The following PRKAA2 variants were observed in gnomAD, a reference collection of about 807,000 sequenced individuals.
The protein encoded by PRKAA2 is protein kinase AMP-activated catalytic subunit alpha 2.
Under a neutral mutation model 56.3 loss-of-function variants are expected in PRKAA2, and 40 were observed. The ratio of observed to expected loss-of-function variants is 0.71; its 90% CI spans 0.55 to 0.92. The LOEUF is 0.92. Ranked by LOEUF, PRKAA2 falls within the 40% of genes least tolerant of loss-of-function variation. PRKAA2 has a pLI of 0.00. For missense variants in PRKAA2, 542 were observed against 686.9 expected (o/e 0.79, Z 2.36); for synonymous variants, 214 against 234.2 (o/e 0.91, Z 0.79).
In PRKAA2 at chr1:56,713,848, T is replaced by TAAAAA. The variant is rs35829792; in HGVS notation, c.*6152_*6156dup. The TAAAAA allele has an allele frequency of 8.1e-5, 9 of 110,536 alleles. No homozygotes were observed. Among genetic ancestry groups the TAAAAA allele is most frequent in the Admixed American group, 5.7e-4 (6 of 10,508 alleles). The allele number at this position is 110,536 out of a possible 1,614,324, so 6.8% of individuals were successfully genotyped here. On this transcript the variant is annotated 3_prime_UTR_variant, in exon 9 of 9. Transcript: ENST00000371244. Reference sequence around the variant, plus strand: ...AAAGTGGAAGAGAGATCCACTGTTCTAAAAAAAAAAAAAAAAAAAAACACT... The same window carrying TAAAAA: ...AAAGTGGAAGAGAGATCCACTGTTCTAAAAAAAAAAAAAAAAAAAAAAAAAACACT...
chr1:56,706,338 T>G, intron 8 of PRKAA2, 120 bp downstream of exon 8: 1 of 1,105,858 alleles, frequency 9.0e-7, no homozygotes, highest in Non-Finnish European at 1.3e-6. Flanking sequence ...TTAAGCAATC[T>G]AGACTTAACC....
intron 1 of PRKAA2, among the ~76,000 whole-genome samples, chr1:56,660,837 T>C (rs1370933719): frequency 6.6e-6 from 1 of 152,184 alleles, no homozygotes; most frequent in Non-Finnish European, 1.5e-5. Flanking sequence ...TTAATAAATA[T>C]GGTACTTATT....
In PRKAA2 at chr1:56,696,157, A is replaced by G. The variant is rs771303312; in HGVS notation, c.786A>G (p.Ile262Met). Residue 262 changes from isoleucine to methionine, a missense_variant and splice_region_variant, in exon 6 of 9, where the codon ATA becomes ATG. Physicochemically the swap from Ile to Met is conservative, Grantham distance 10. Transcript: ENST00000371244. ...DPLKRATIKD[I>M]REHEWFKQDL... ...TGAAACGAGCAACTATCAAAGACAT[A>G]AGGTGATTTTTCTTTTTGTTTCTGT... 1.2e-6 allele frequency: 2 copies of G among 1,606,758 alleles called. No individual in the cohort carries two copies. Among genetic ancestry groups the G allele is most frequent in the Non-Finnish European group, 1.7e-6 (2 of 1,174,938 alleles).
rs543189570 is a variant in PRKAA2 at position 56,680,605 on chromosome 1, G to A, written c.236+6083G>A. On this transcript the variant is annotated intron_variant, in intron 2 of 8. Transcript: ENST00000371244. Reference sequence around the variant, plus strand: ...TTCCCACCTATGAGTGAGAACATGCGGTGTTTGGTTTTCTGTCCTTGTGAT... The same window carrying A: ...TTCCCACCTATGAGTGAGAACATGCAGTGTTTGGTTTTCTGTCCTTGTGAT... Among the ~76,000 whole-genome samples, 598 of 152,112 alleles carry A rather than the reference G, an allele frequency of 3.9e-3. 5 individuals are homozygous for A. Among genetic ancestry groups the A allele is most frequent in the African/African-American group, 0.013 (548 of 41,468 alleles).
chr1:56,706,068 A>G, intron 7 of PRKAA2, 24 bp from the exon 8 acceptor site: 1 of 1,574,934 alleles, frequency 6.3e-7, no homozygotes, highest in Non-Finnish European at 8.7e-7. Flanking sequence ...GTAGTTTATT[A>G]TTTTTATTGA....
chr1:56,649,428 T>C (rs1468249500), intron 1 of PRKAA2, among the ~76,000 whole-genome samples: 1 of 152,194 alleles, frequency 6.6e-6, no homozygotes, highest in Non-Finnish European at 1.5e-5. Flanking sequence ...ATGCCTGTAA[T>C]CCTAGCACTT....
intron 1 of PRKAA2, among the ~76,000 whole-genome samples, chr1:56,662,944 T>G (rs1644006504): frequency 6.6e-6 from 1 of 152,132 alleles, no homozygotes; most frequent in Non-Finnish European, 1.5e-5. Context: ...GTTTTTCTGC[T>G]AAGGTTTTGG....
intron 4 of PRKAA2, among the ~76,000 whole-genome samples, chr1:56,693,187 T>C (rs1454893380): frequency 2.0e-5 from 3 of 152,166 alleles, no homozygotes; most frequent in Non-Finnish European, 4.4e-5. Flanking sequence ...TCTAAAAACC[T>C]AGAAACTACT....
intron 2 of PRKAA2, among the ~76,000 whole-genome samples, chr1:56,681,309 C>T (rs892786471): frequency 9.9e-4 from 150 of 152,268 alleles, no homozygotes; most frequent in Non-Finnish European, 1.9e-3. Context: ...TGTAGGTTGC[C>T]TATTCACTCT....
At chr1:56,665,326 G>T (rs1350376745) in intron 1 of PRKAA2, among the ~76,000 whole-genome samples, 1 of 152,012 alleles carries the variant, frequency 6.6e-6, no homozygotes, top group Non-Finnish European at 1.5e-5. Flanking sequence ...TGCCCACCTT[G>T]GCCTCCCAAA....
At chr1:56,650,057 T>C (rs187692087) in intron 1 of PRKAA2, among the ~76,000 whole-genome samples, 217 of 151,954 alleles carry the variant, frequency 1.4e-3, no homozygotes, top group Admixed American at 2.7e-3. Flanking sequence ...ATTGTGCCAC[T>C]GCACTCCAGC....
intron 7 of PRKAA2, 63 bp downstream of exon 7, chr1:56,704,538 C>T (rs1443327887): frequency 6.6e-7 from 1 of 1,508,370 alleles, no homozygotes; most frequent in Non-Finnish European, 8.8e-7. Context: ...ATAAGCTGCT[C>T]TGAGCTCCTG....
intron 1 of PRKAA2, among the ~76,000 whole-genome samples, chr1:56,664,462 G>A (rs539746015): frequency 9.3e-4 from 133 of 142,500 alleles, no homozygotes; most frequent in African/African-American, 3.3e-3. Context: ...TTTCTTTTTA[G>A]TTCAGATGTT....
In PRKAA2 at chr1:56,712,859, CAAAA is replaced by C. The variant is rs911830525; in HGVS notation, c.*5150_*5153del. The C allele has an allele frequency of 6.6e-6, 1 of 151,000 alleles. No homozygotes were observed. The highest frequency in any genetic ancestry group is 2.4e-5 in the African/African-American group (1 of 41,088). 9.4% of individuals were successfully genotyped at this position (151,000 alleles called of 1,614,324 possible). A position where few individuals can be genotyped will look rare whatever the true frequency, so the allele number is the denominator to read the frequency against. ...AGCACAAGACTGTCTCAAAAAAAAA[CAAAA>C]AAAGGAAAAAGAAAACTAGCCCCAG... On this transcript the variant is annotated 3_prime_UTR_variant, in exon 9 of 9. Transcript: ENST00000371244.
chr1:56,684,415 A>T (rs1644176713), intron 2 of PRKAA2, among the ~76,000 whole-genome samples: 1 of 152,144 alleles, frequency 6.6e-6, no homozygotes, highest in African/African-American at 2.4e-5. Context: ...ACTGTATTTA[A>T]GATATTTAAA....
chr1:56,671,079 A>C (rs1644071847), intron 1 of PRKAA2, among the ~76,000 whole-genome samples: 1 of 152,134 alleles, frequency 6.6e-6, no homozygotes, highest in African/African-American at 2.4e-5. Flanking sequence ...TTTTCTTTTA[A>C]TTTCTTTTGT....
At chr1:56,692,791 GT>G (rs201416995) in intron 4 of PRKAA2, among the ~76,000 whole-genome samples, 225 of 135,390 alleles carry the variant, frequency 1.7e-3, no homozygotes, top group South Asian at 7.2e-3. Context: ...CTGTTTTTTT[GT>G]TTTTTTTTTT....
chr1:56,645,453 G>C lies in PRKAA2; in HGVS notation c.66G>C (p.Leu22=). 6.6e-7 allele frequency: 1 copy of C among 1,507,334 alleles called. No individual in the cohort carries two copies. The highest frequency in any genetic ancestry group is 8.9e-7 in the Non-Finnish European group (1 of 1,121,770). 93.4% of individuals were successfully genotyped at this position (1,507,334 alleles called of 1,614,324 possible). ...KIGHYVLGDT[L]GVGTFGKVKI... The stretch of plus-strand genomic sequence containing the variant: ...GACACTACGTGCTGGGCGACACGCT[G>C]GGCGTCGGCACCTTCGGCAAAGTGA... The change falls in exon 1 of 9, where the codon CTG becomes CTC. Residue 22 remains leucine (L), a synonymous_variant. Transcript: ENST00000371244.
intron 1 of PRKAA2, among the ~76,000 whole-genome samples, chr1:56,648,554 C>A (rs1646662702): frequency 6.6e-6 from 1 of 152,120 alleles, no homozygotes; most frequent in Admixed American, 6.5e-5. Context: ...TTTTCATACA[C>A]CTTGGGTAAA....
Sources: allele counts gnomAD v4.1 joint callset (sites outside exome capture counted in the v4.1 genomes callset), GRCh38; gene constraint gnomAD v4.1.1; transcripts MANE v1.5; gene names NCBI Gene and HGNC (gene_info 2026-07-23, HGNC 2026-07-21).